Variants in SYPL1 observed in about 807,000 individuals in gnomAD.
SYPL1 encodes synaptophysin-like protein 1.
In SYPL1, 6 loss-of-function variants were observed where a neutral mutation model predicts 23.7. That is an observed-to-expected ratio of 0.25 (90% CI 0.14 to 0.50). The LOEUF (loss-of-function observed/expected upper bound fraction) is 0.50, where lower values mean the gene tolerates loss of function less well. SYPL1 is among the 20% of genes least tolerant of loss of function. SYPL1 has a pLI of 0.98. For missense variants in SYPL1, 253 were observed against 288.9 expected (o/e 0.88, Z 0.90); for synonymous variants, 102 against 104.5 (o/e 0.98, Z 0.15).
At chr7:106,112,347 TG>T, upstream of SYPL1, 1 of 994,338 alleles carries the variant, frequency 1.0e-6, no homozygotes, top group Non-Finnish European at 1.2e-6. Context: ...CGGGCGGCCG[TG>T]GGGCGGGGCG....
At chr7:106,092,591 T>C (rs4434555) in intron 4 of SYPL1, 178,268 of 334,912 alleles carry the variant, frequency 0.53, 50,028 homozygotes, top group East Asian at 0.79. Flanking sequence ...GAGAATCACT[T>C]GAACCCAGGA....
In SYPL1 at chr7:106,100,383, T is replaced by C. The variant is rs1294982985; in HGVS notation, c.70-1101A>G. 6.6e-6 allele frequency among the ~76,000 whole-genome samples: 1 copy of C among 152,202 alleles called. No individual in the cohort carries two copies. The highest frequency in any genetic ancestry group is 1.5e-5 in the Non-Finnish European group (1 of 68,048). The stretch of plus-strand genomic sequence containing the variant: ...TGTTGGAAATTAACAACATAGAATG[T>C]TGGAGATTAACAACATAGAAAGTGT... On this transcript the variant is annotated intron_variant, in intron 1 of 4. Transcript: ENST00000455385. The surrounding 1 kb of genome is among the most constrained non-coding windows in gnomAD (Gnocchi z 5.1).
At chr7:106,111,353 C>T (rs1304267270) in intron 1 of SYPL1, among the ~76,000 whole-genome samples, 1 of 152,194 alleles carries the variant, frequency 6.6e-6, no homozygotes, top group Non-Finnish European at 1.5e-5. Context: ...TGAAGGAAGC[C>T]CGCAGTGCCT....
Position 106,095,421 on chromosome 7 carries a change from C to T in SYPL1, c.402+2269G>A, listed in dbSNP as rs1287713892. Reference sequence around the variant, plus strand: ...CTGGAATACAGTGGTGTGATCTTGGCTCACTGTAACCTCCACCTCCTGGGT... The same window carrying T: ...CTGGAATACAGTGGTGTGATCTTGGTTCACTGTAACCTCCACCTCCTGGGT... On this transcript the variant is annotated intron_variant, in intron 3 of 4. Transcript: ENST00000455385. This position sits in a 1 kb window ranked among gnomAD's most constrained non-coding sequence, Gnocchi z 4.3. 6.6e-6 allele frequency among the ~76,000 whole-genome samples: 1 copy of T among 151,660 alleles called. No homozygotes were observed. The highest frequency in any genetic ancestry group is 2.4e-5 in the African/African-American group (1 of 41,212).
At chr7:106,092,671 TCA>T in intron 4 of SYPL1, 1 of 270,002 alleles carries the variant, frequency 3.7e-6, no homozygotes, top group Non-Finnish European at 6.4e-6. Context: ...AAACTCCATC[TCA>T]AAAAAAAAAA....
intron 1 of SYPL1, among the ~76,000 whole-genome samples, chr7:106,103,794 T>G (rs546169075): frequency 1.3e-5 from 2 of 152,264 alleles, no homozygotes; most frequent in Non-Finnish European, 2.9e-5. Context: ...TGTATTTTTT[T>G]GTACTGGACA....
At chr7:106,106,513 C>G (rs1334889006) in intron 1 of SYPL1, among the ~76,000 whole-genome samples, 1 of 150,466 alleles carries the variant, frequency 6.6e-6, no homozygotes, top group Non-Finnish European at 1.5e-5. Flanking sequence ...GATCATGCCA[C>G]TGCACTCCAG....
At chr7:106,107,840 T>C (rs1388064259) in intron 1 of SYPL1, among the ~76,000 whole-genome samples, 1 of 152,168 alleles carries the variant, frequency 6.6e-6, no homozygotes, top group Non-Finnish European at 1.5e-5. Flanking sequence ...CTAATCATTG[T>C]ATGTTGAAAA....
At chr7:106,102,372 A>AGCCG (rs1840372530) in intron 1 of SYPL1, among the ~76,000 whole-genome samples, 1 of 152,232 alleles carries the variant, frequency 6.6e-6, no homozygotes, top group Non-Finnish European at 1.5e-5. Flanking sequence ...CTGGGATTAC[A>AGCCG]GGCTTGAACC....
chr7:106,101,145 A>G (rs1482045328), intron 1 of SYPL1, among the ~76,000 whole-genome samples: 1 of 151,858 alleles, frequency 6.6e-6, no homozygotes, highest in African/African-American at 2.4e-5. Flanking sequence ...ACCCCGCACT[A>G]CCTATTCCCT....
In SYPL1 at chr7:106,101,420, G is replaced by T. The variant is rs115576699; in HGVS notation, c.70-2138C>A. Among the ~76,000 whole-genome samples, 654 of 111,454 alleles carry T rather than the reference G, an allele frequency of 5.9e-3. 6 individuals are homozygous for T. Among genetic ancestry groups the T allele is most frequent in the African/African-American group, 0.023 (631 of 27,980 alleles). 73.1% of individuals were successfully genotyped at this position (111,454 alleles called of 152,430 possible). On this transcript the variant is annotated intron_variant, in intron 1 of 4. Transcript: ENST00000455385. ...ATCCACATTATAGTAATTGTCAAGG[G>T]TTTGTTTTTTCCCATCCGCCCCCCC...
At chr7:106,102,984 AT>A (rs1350664676) in intron 1 of SYPL1, among the ~76,000 whole-genome samples, 1 of 152,212 alleles carries the variant, frequency 6.6e-6, no homozygotes, top group African/African-American at 2.4e-5. Flanking sequence ...CAGAAAAAAA[AT>A]CTTAATCAAG....
Position 106,095,408 on chromosome 7 carries a change from G to A in SYPL1, c.403-2271C>T, listed in dbSNP as rs956909644. ...TCTGTCACCTAGGCTGGAATACAGT[G>A]GTGTGATCTTGGCTCACTGTAACCT... is the stretch of plus-strand genomic sequence containing the variant. On this transcript the variant is annotated intron_variant, in intron 3 of 4. Coordinates refer to ENST00000455385, the MANE Select transcript of SYPL1 (RefSeq NM_182715.4). The surrounding 1 kb of genome is among the most constrained non-coding windows in gnomAD (Gnocchi z 4.3). Among the ~76,000 whole-genome samples, 4 of 151,468 alleles carry A rather than the reference G, an allele frequency of 2.6e-5. No individual in the cohort carries two copies. Among genetic ancestry groups the A allele is most frequent in the African/African-American group, 9.7e-5 (4 of 41,154 alleles).
At position 106,111,667 on chromosome 7, in the gene SYPL1, C is replaced by T. The variant is rs141711077; in HGVS notation, c.69+473G>A. 8.9e-3 allele frequency among the ~76,000 whole-genome samples: 1,354 copies of T among 152,350 alleles called. 9 individuals carry two copies. Among genetic ancestry groups the T allele is most frequent in the Middle Eastern group, 0.024 (7 of 294 alleles). The stretch of plus-strand genomic sequence containing the variant: ...AAAAACAAATTAAGAACGGAATGCT[C>T]GCCAAATCACGTCTACAAGACAAAA... On this transcript the variant is annotated intron_variant, in intron 1 of 4. Transcript: ENST00000455385.
Position 106,095,348 on chromosome 7 carries a change from C to A in SYPL1, c.403-2211G>T, listed in dbSNP as rs993129315. On this transcript the variant is annotated intron_variant, in intron 3 of 4. Transcript: ENST00000455385. The surrounding 1 kb of genome is among the most constrained non-coding windows in gnomAD (Gnocchi z 4.3). Reference sequence around the variant, plus strand: ...TAAATTTTGGGTATCTCAAAAAAAACCTTTTTTTTTTTTTCCCCTGAGATG... The same window carrying A: ...TAAATTTTGGGTATCTCAAAAAAAAACTTTTTTTTTTTTTCCCCTGAGATG... Among the ~76,000 whole-genome samples, 1 of 150,700 alleles carries A rather than the reference C, an allele frequency of 6.6e-6. No homozygotes were observed. The highest frequency in any genetic ancestry group is 1.5e-5 in the Non-Finnish European group (1 of 67,854).
chr7:106,102,897 C>A (rs1439004048), intron 1 of SYPL1, among the ~76,000 whole-genome samples: 1 of 151,964 alleles, frequency 6.6e-6, no homozygotes, highest in Non-Finnish European at 1.5e-5. Flanking sequence ...AAAAGAAAAC[C>A]TGTGACCACA....
rs1840479594 is a variant in SYPL1 at position 106,104,342 on chromosome 7, A to G, written c.70-5060T>C. ...GAGGATTGTTTGAGCCCAGAAGTTC[A>G]ATACCAGCTTGGGCAACACAGTGAG... On this transcript the variant is annotated intron_variant, in intron 1 of 4. Transcript: ENST00000455385. This position sits in a 1 kb window ranked among gnomAD's most constrained non-coding sequence, Gnocchi z 4.1. Among the ~76,000 whole-genome samples the G allele has an allele frequency of 6.6e-6, 1 of 152,222 alleles. No homozygotes were observed. The highest frequency in any genetic ancestry group is 2.4e-5 in the African/African-American group (1 of 41,458).
At chr7:106,101,669 AAAG>A (rs1452339666) in intron 1 of SYPL1, among the ~76,000 whole-genome samples, 5 of 151,950 alleles carry the variant, frequency 3.3e-5, no homozygotes, top group African/African-American at 1.2e-4. Context: ...TTATGTTAAA[AAAG>A]AAGGTAAAGA....
intron 1 of SYPL1, among the ~76,000 whole-genome samples, chr7:106,107,257 G>C (rs1457182150): frequency 6.6e-6 from 1 of 151,674 alleles, no homozygotes; most frequent in African/African-American, 2.4e-5. Flanking sequence ...ATGAGTCAAA[G>C]TCCAAAATGT....
Sources: allele counts gnomAD v4.1 joint callset (sites outside exome capture counted in the v4.1 genomes callset), GRCh38; gene constraint gnomAD v4.1.1; non-coding constraint Gnocchi (gnomAD v3.1); transcripts MANE v1.5; gene names NCBI Gene and HGNC (gene_info 2026-07-23, HGNC 2026-07-21).